The following NBEAL1 variants were observed in gnomAD, a reference collection of about 807,000 sequenced individuals.
NBEAL1 encodes the protein neurobeachin like 1.
NBEAL1 carries 273 observed loss-of-function variants against 351.3 expected under a neutral mutation model. The ratio of observed to expected loss-of-function variants is 0.78; its 90% CI spans 0.70 to 0.86. The LOEUF (loss-of-function observed/expected upper bound fraction) is 0.86. Ranked by LOEUF, NBEAL1 falls within the 40% of genes least tolerant of loss-of-function variation. NBEAL1 has a pLI of 0.00. For missense variants in NBEAL1, 2,961 were observed against 3,201.3 expected (o/e 0.92, Z 1.81); for synonymous variants, 1,050 against 1,086.4 (o/e 0.97, Z 0.66).
At chr2:203,121,628 G>T (rs2062833437) in intron 18 of NBEAL1, among the ~76,000 whole-genome samples, 1 of 150,260 alleles carries the variant, frequency 6.7e-6, no homozygotes, top group South Asian at 2.1e-4. Flanking sequence ...CTCTAGCCTG[G>T]GTGACAAGAG....
At chr2:203,041,899 A>T (rs905289609) in intron 3 of NBEAL1, 43 bp downstream of exon 3, 89 of 1,303,088 alleles carry the variant, frequency 6.8e-5, no homozygotes, top group Middle Eastern at 1.8e-4. Context: ...TGAGTTTTTC[A>T]TTTTTGGCAC....
chr2:203,021,245 G>T (rs577499316), intron 2 of NBEAL1, among the ~76,000 whole-genome samples: 50 of 151,510 alleles, frequency 3.3e-4, no homozygotes, highest in African/African-American at 1.2e-3. Flanking sequence ...GCCTCCCAAA[G>T]TGCTGGGATT....
chr2:203,044,099 G>C lies in NBEAL1; in HGVS notation c.143+2243G>C, dbSNP rs374784557. Among the ~76,000 whole-genome samples the C allele has an allele frequency of 1.8e-3, 269 of 152,234 alleles. 1 individual carries two copies. The highest frequency in any genetic ancestry group is 2.1e-3 in the Non-Finnish European group (145 of 68,010). ...CAAGGAGCCCAGTTAAGAGATAATT[G>C]TGATAATCCAGAGATGTGGCCAGAG... On this transcript the variant is annotated intron_variant, in intron 3 of 55. Transcript: ENST00000683969.
intron 6 of NBEAL1, among the ~76,000 whole-genome samples, chr2:203,058,120 G>A (rs1436986339): frequency 2.0e-5 from 3 of 152,014 alleles, no homozygotes; most frequent in East Asian, 1.9e-4. Flanking sequence ...GGGAGCCACC[G>A]TGCCCGGCCT....
Position 203,208,650 on chromosome 2 carries a change from T to G in NBEAL1, c.7520T>G (p.Val2507Gly). Residue 2507 changes from valine (V) to glycine (G), a missense_variant, in exon 52 of 56, where the codon GTG becomes GGG. Coordinates refer to ENST00000683969, the MANE Select transcript of NBEAL1 (RefSeq NM_001378026.1). The part of the protein sequence containing the change: ...WQITQQGGVP[V>G]GLASKPFQIL... Reference sequence around the variant, plus strand: ...TTGTATTATTAGGGAGGTGTTCCTGTGGGCTTAGCATCTAAACCTTTTCAG... The same window carrying G: ...TTGTATTATTAGGGAGGTGTTCCTGGGGGCTTAGCATCTAAACCTTTTCAG... 1 of 1,608,178 alleles carries G rather than the reference T, an allele frequency of 6.2e-7. No homozygotes were observed. The highest frequency in any genetic ancestry group is 8.5e-7 in the Non-Finnish European group (1 of 1,178,368).
chr2:203,080,021 T>A (rs2061845054), intron 8 of NBEAL1, among the ~76,000 whole-genome samples: 1 of 152,198 alleles, frequency 6.6e-6, no homozygotes, highest in Non-Finnish European at 1.5e-5. Flanking sequence ...TCATAAACAG[T>A]TGACTTTATG....
intron 10 of NBEAL1, among the ~76,000 whole-genome samples, chr2:203,091,405 A>G (rs1229608882): frequency 6.6e-6 from 1 of 152,152 alleles, no homozygotes; most frequent in Non-Finnish European, 1.5e-5. Context: ...GGTTGCGTCC[A>G]CCGTTTGGCT....
chr2:203,105,555 C>T (rs897557577), intron 12 of NBEAL1, among the ~76,000 whole-genome samples: 2 of 151,974 alleles, frequency 1.3e-5, no homozygotes, highest in African/African-American at 4.8e-5. Context: ...CCTGATGTAT[C>T]TCCAAGTTTT....
chr2:203,215,185 G>C (rs1403711463), intron 55 of NBEAL1, among the ~76,000 whole-genome samples: 1 of 151,922 alleles, frequency 6.6e-6, no homozygotes, highest in African/African-American at 2.4e-5. Flanking sequence ...GTGAAACCCC[G>C]TCTCTACTAA....
intron 8 of NBEAL1, among the ~76,000 whole-genome samples, chr2:203,082,365 C>A (rs1438955779): frequency 6.6e-6 from 1 of 152,102 alleles, no homozygotes; most frequent in Non-Finnish European, 1.5e-5. Flanking sequence ...TCTTCCATAG[C>A]AGTAATTATT....
chr2:203,202,608 A>G, intron 50 of NBEAL1, 79 bp from the exon 51 acceptor site: 1 of 810,948 alleles, frequency 1.2e-6, no homozygotes, highest in Non-Finnish European at 2.2e-6. Context: ...GAATAGTTTG[A>G]ACATTAACAA....
intron 51 of NBEAL1, among the ~76,000 whole-genome samples, chr2:203,204,121 G>A (rs1344180417): frequency 6.6e-6 from 1 of 151,110 alleles, no homozygotes; most frequent in African/African-American, 2.4e-5. Context: ...TAGAGACGGG[G>A]TTTCACCATC....
intron 48 of NBEAL1, among the ~76,000 whole-genome samples, 191 bp downstream of exon 48, chr2:203,197,582 A>C (rs898563617): frequency 6.6e-6 from 1 of 152,198 alleles, no homozygotes; most frequent in Non-Finnish European, 1.5e-5. Flanking sequence ...TAGCCTGGGC[A>C]ACATTTGCTC....
In NBEAL1 at chr2:203,208,888, A is replaced by G. The variant is rs978193607; in HGVS notation, c.7623+135A>G. ...ACCATACTTGTATAGGACTTTGCAA[A>G]AGTAGAATAGACTTTGCAAAATAAA... On this transcript the variant is annotated intron_variant, in intron 52 of 55. Coordinates refer to ENST00000683969, the MANE Select transcript of NBEAL1 (RefSeq NM_001378026.1). 21 of 669,092 alleles carry G rather than the reference A, an allele frequency of 3.1e-5. No individual in the cohort carries two copies. The Admixed American group carries it at 7.0e-4, about 22-fold the overall frequency. 41.4% of individuals were successfully genotyped at this position (669,092 alleles called of 1,614,324 possible). A position where few individuals can be genotyped will look rare whatever the true frequency, so the allele number is the denominator to read the frequency against.
At position 203,149,044 on chromosome 2, in the gene NBEAL1, T is replaced by C. The variant is rs1342413195; in HGVS notation, c.5358T>C (p.Tyr1786=). The part of the protein sequence containing the change: ...NRKARQENLR[Y]NNMLKQLSSQ... ...AAGCACGCCAAGAGAACCTGAGGTA[T>C]AATAATATGCTTAAACAACTTAGCA... The change falls in exon 34 of 56, where the codon TAT becomes TAC. Residue 1786 remains tyrosine (Y), a synonymous_variant. Coordinates refer to ENST00000683969, the MANE Select transcript of NBEAL1 (RefSeq NM_001378026.1). The C allele has an allele frequency of 1.9e-6, 3 of 1,612,762 alleles. No individual in the cohort carries two copies. The African/African-American group carries it at 4.0e-5, about 22-fold the overall frequency.
chr2:203,083,507 C>T lies in NBEAL1; in HGVS notation c.973C>T (p.Leu325=), dbSNP rs1318456949. 11 of 1,542,138 alleles carry T rather than the reference C, an allele frequency of 7.1e-6. No individual in the cohort carries two copies. Among genetic ancestry groups the T allele is most frequent in the Non-Finnish European group, 8.8e-6 (10 of 1,141,820 alleles). ...SRQWENRFIA[L]QIKMLNTITA... ...ACAGTGGGAAAACCGATTTATTGCT[C>T]TACAGATCAAAATGCTGAGTAAGTA... The change falls in exon 9 of 56, where the codon CTA becomes TTA. Residue 325 remains leucine, a synonymous_variant. Transcript: ENST00000683969.
intron 10 of NBEAL1, among the ~76,000 whole-genome samples, chr2:203,092,143 C>T (rs1437751714): frequency 6.6e-6 from 1 of 152,050 alleles, no homozygotes; most frequent in Admixed American, 6.6e-5. Flanking sequence ...CAAGTTGTAA[C>T]TCATTGGAAA....
rs192357240 is a variant in NBEAL1 at position 203,099,769 on chromosome 2, G to A, written c.1269+57G>A. The A allele has an allele frequency of 2.1e-4, 248 of 1,161,436 alleles. 3 individuals carry two copies. The East Asian group carries it at 5.9e-3, about 28-fold the overall frequency. 71.9% of individuals were successfully genotyped at this position (1,161,436 alleles called of 1,614,324 possible). A position where few individuals can be genotyped will look rare whatever the true frequency, so the allele number is the denominator to read the frequency against. On this transcript the variant is annotated intron_variant, in intron 12 of 55. Transcript: ENST00000683969. ...TTCTTAACTTTTATTTTAGGTTCAG[G>A]GGTACATGTGCAGGTTTGTTATATA...
At position 203,138,439 on chromosome 2, in the gene NBEAL1, G is replaced by T. The variant is rs1036597043; in HGVS notation, c.4719+124G>T. On this transcript the variant is annotated intron_variant, in intron 30 of 55. Transcript: ENST00000683969. ...CAGATTCAATAAACAAGGATAAGAT[G>T]TGATGAATAGTCACAGATTTTTGTT... 6.9e-5 allele frequency: 73 copies of T among 1,063,374 alleles called. 3 individuals are homozygous for T. The highest frequency in any genetic ancestry group is 1.5e-5 in the Non-Finnish European group (11 of 744,322). 65.9% of individuals were successfully genotyped at this position (1,063,374 alleles called of 1,614,324 possible).
Sources: gnomAD v4.1 joint callset for allele counts (sites outside exome capture counted in the v4.1 genomes callset) on GRCh38, gnomAD v4.1.1 for gene constraint, MANE v1.5 for transcripts, NCBI Gene and HGNC (gene_info 2026-07-23, HGNC 2026-07-21) for gene names.